The following JAML variants were observed in gnomAD, a reference collection of about 807,000 sequenced individuals.
The protein encoded by JAML is junctional adhesion molecule-like.
Under a neutral mutation model 39.3 loss-of-function variants are expected in JAML, and 25 were observed. The ratio of observed to expected loss-of-function variants is 0.64; its 90% CI spans 0.46 to 0.89. The LOEUF (loss-of-function observed/expected upper bound fraction) is 0.89, where lower values mean the gene tolerates loss of function less well. JAML is among the 40% of genes least tolerant of loss of function. The probability of loss-of-function intolerance (pLI) is 0.00; values close to 1 mark genes in which losing one functional copy is unlikely to be tolerated. For missense variants in JAML, 440 were observed against 486.9 expected, an observed-to-expected ratio of 0.90 and a Z score of 0.91; for synonymous variants, 162 against 179.2, an observed-to-expected ratio of 0.90 and a Z score of 0.77.
At chr11:118,206,086 A>G in intron 4 of JAML, 95 bp from the exon 5 acceptor site, 3 of 1,101,844 alleles carry the variant, frequency 2.7e-6, no homozygotes, top group East Asian at 4.8e-5. Context: ...AAAGACCCTC[A>G]GCAGCAAAAA....
At chr11:118,206,767 C>T (rs1383234793) in intron 4 of JAML, among the ~76,000 whole-genome samples, 1 of 152,096 alleles carries the variant, frequency 6.6e-6, no homozygotes, top group African/African-American at 2.4e-5. Context: ...AGCAGCTGAC[C>T]CACCATATGT....
chr11:118,196,772 T>C lies in JAML; in HGVS notation c.1055A>G (p.Glu352Gly). 1 of 1,613,296 alleles carries C rather than the reference T, an allele frequency of 6.2e-7. No individual in the cohort carries two copies. Among genetic ancestry groups the C allele is most frequent in the Non-Finnish European group, 8.5e-7 (1 of 1,179,264 alleles). Residue 352 changes from glutamate to glycine, a missense_variant, in exon 9 of 10, where the codon GAA (glutamate) becomes GGA (glycine). Physicochemically the swap from Glu to Gly is moderately conservative, Grantham distance 98 (BLOSUM62 -2). Transcript: ENST00000356289. ...IIVREVIEEE[E>G]PSEKSEATYM... ...GGTGGCCTCTGATTTTTCACTTGGTTCTTCTTCCTCGATCACCTCCCGTAC... is the reference window on the plus strand; with the variant it reads ...GGTGGCCTCTGATTTTTCACTTGGTCCTTCTTCCTCGATCACCTCCCGTAC...
chr11:118,202,499 G>A (rs910574339), intron 6 of JAML: 3 of 173,764 alleles, frequency 1.7e-5, no homozygotes, highest in African/African-American at 7.1e-5. Flanking sequence ...GATAAGCCCA[G>A]AGCAGAAGGG....
At chr11:118,195,094 C>T (rs932061208) in intron 9 of JAML, among the ~76,000 whole-genome samples, 2 of 152,194 alleles carry the variant, frequency 1.3e-5, no homozygotes, top group African/African-American at 4.8e-5. Context: ...TCATCTCCAC[C>T]TCGGAGACGT....
chr11:118,197,777 C>G, intron 8 of JAML: 4 of 522,950 alleles, frequency 7.6e-6, no homozygotes, highest in African/African-American at 1.9e-5. Flanking sequence ...TTTCCTCAGC[C>G]CAATACCAGG....
Position 118,200,467 on chromosome 11 carries a change from C to T in JAML, c.911+7G>A, listed in dbSNP as rs1208578404. On this transcript the variant is annotated splice_region_variant and intron_variant, in intron 7 of 9. Coordinates refer to ENST00000356289, the MANE Select transcript of JAML (RefSeq NM_001098526.2). ...TCCCAATCCAAGGGGTGGGGGTAGC[C>T]CTGTACCTCTTATTTCCACAGGTCT... 2 of 1,613,826 alleles carry T rather than the reference C, an allele frequency of 1.2e-6. No homozygotes were observed. The highest frequency in any genetic ancestry group is 1.7e-6 in the Non-Finnish European group (2 of 1,179,976).
intron 4 of JAML, among the ~76,000 whole-genome samples, chr11:118,207,658 T>C (rs1948946139): frequency 7.5e-6 from 1 of 134,098 alleles, no homozygotes. Context: ...AGTTGCCATG[T>C]TGGTGGAGGC....
intron 1 of JAML, among the ~76,000 whole-genome samples, chr11:118,223,017 C>A (rs1949225053): frequency 6.8e-6 from 1 of 148,042 alleles, no homozygotes; most frequent in African/African-American, 2.5e-5. Context: ...ATCACTTGAA[C>A]TCGGGAGGCG....
chr11:118,214,658 A>C (rs559800730), intron 2 of JAML, among the ~76,000 whole-genome samples, 166 bp downstream of exon 2: 1 of 152,346 alleles, frequency 6.6e-6, no homozygotes, highest in African/African-American at 2.4e-5. Context: ...ACCATAAGCT[A>C]GTTGGCTTCA....
At chr11:118,202,833 TTA>T in intron 6 of JAML, 1 of 403,706 alleles carries the variant, frequency 2.5e-6, no homozygotes, top group Non-Finnish European at 5.0e-6. Context: ...GCTAACTGGG[TTA>T]TGGTTTAACT....
intron 1 of JAML, among the ~76,000 whole-genome samples, chr11:118,216,355 C>T (rs569020303): frequency 1.7e-4 from 24 of 143,812 alleles, no homozygotes; most frequent in Admixed American, 4.8e-4. Flanking sequence ...GGCGACAGAG[C>T]GAGACTCTGT....
At chr11:118,218,156 C>T (rs755736374) in intron 1 of JAML, among the ~76,000 whole-genome samples, 1 of 152,136 alleles carries the variant, frequency 6.6e-6, no homozygotes, top group African/African-American at 2.4e-5. Context: ...TGCAATGGCA[C>T]GATCTCAGCT....
At chr11:118,203,386 G>C in intron 6 of JAML, 42 bp downstream of exon 6, 1 of 1,566,166 alleles carries the variant, frequency 6.4e-7, no homozygotes, top group Non-Finnish European at 8.8e-7. Flanking sequence ...CCATGCACCA[G>C]CCAGGAGGTC....
At chr11:118,197,090 G>A in intron 8 of JAML, 1 of 360,848 alleles carries the variant, frequency 2.8e-6, no homozygotes. Context: ...AGCAGCAGGG[G>A]TTCCTTATCT....
chr11:118,221,547 G>C (rs762696898), intron 1 of JAML, among the ~76,000 whole-genome samples: 4 of 152,174 alleles, frequency 2.6e-5, no homozygotes, highest in Non-Finnish European at 4.4e-5. Flanking sequence ...TAATACCCTC[G>C]CTGATCTGAA....
chr11:118,212,324 C>G, intron 3 of JAML, 83 bp downstream of exon 3: 1 of 1,513,342 alleles, frequency 6.6e-7, no homozygotes, highest in Admixed American at 1.9e-5. Flanking sequence ...CTGGTGGCAC[C>G]TGATGCCTGA....
chr11:118,196,412 G>A (rs1948656956), intron 9 of JAML, among the ~76,000 whole-genome samples: 1 of 152,152 alleles, frequency 6.6e-6, no homozygotes, highest in African/African-American at 2.4e-5. Flanking sequence ...TCAGGCATGA[G>A]CCACCACACC....
intron 6 of JAML, 35 bp from the exon 7 acceptor site, chr11:118,200,647 A>G (rs1948771477): frequency 6.2e-7 from 1 of 1,613,318 alleles, no homozygotes; most frequent in Non-Finnish European, 8.5e-7. Context: ...GAGGGTCTCA[A>G]TACTTTAGCA....
Position 118,222,981 on chromosome 11 carries a change from G to C in JAML, c.-21+1960C>G, listed in dbSNP as rs545949651. ...GTGGTGGTGAGCGCCTGTAATCCCA[G>C]CTACTTGGGAGGCTGAGGCAGGAGA... On this transcript the variant is annotated intron_variant, in intron 1 of 9. Coordinates refer to ENST00000356289, the MANE Select transcript of JAML (RefSeq NM_001098526.2). The surrounding 1 kb of genome is among the most constrained non-coding windows in gnomAD (Gnocchi z 4.2). Among the ~76,000 whole-genome samples the C allele has an allele frequency of 2.6e-5, 4 of 151,686 alleles. No homozygotes were observed. In the South Asian group the frequency reaches 6.2e-4, roughly 24 times the overall value.
Sources: allele counts gnomAD v4.1 joint callset (sites outside exome capture counted in the v4.1 genomes callset), GRCh38; gene constraint gnomAD v4.1.1; non-coding constraint Gnocchi (gnomAD v3.1); transcripts MANE v1.5; gene names NCBI Gene and HGNC (gene_info 2026-07-23, HGNC 2026-07-21).